The following RETREG1 variants were observed in gnomAD, a reference collection of about 807,000 sequenced individuals.
The protein encoded by RETREG1 is family with sequence similarity 134 member B.
In RETREG1, 44 loss-of-function variants were observed where a neutral mutation model predicts 54.8. The ratio of observed to expected loss-of-function variants is 0.80; its 90% CI spans 0.63 to 1.03. The LOEUF (loss-of-function observed/expected upper bound fraction) is 1.03, where lower values mean the gene tolerates loss of function less well. Ranked by LOEUF, RETREG1 falls within the 50% of genes least tolerant of loss-of-function variation. The pLI, the probability that RETREG1 is intolerant of heterozygous loss-of-function variation, is 0.00. For missense variants in RETREG1, 554 were observed against 605.1 expected, an observed-to-expected ratio of 0.92 and a Z score of 0.89; for synonymous variants, 217 against 238.5, an observed-to-expected ratio of 0.91 and a Z score of 0.83.
intron 3 of RETREG1, among the ~76,000 whole-genome samples, chr5:16,492,724 A>C (rs1358954713): frequency 6.6e-6 from 1 of 152,192 alleles, no homozygotes; most frequent in African/African-American, 2.4e-5. Context: ...AATTTTTTTT[A>C]ATCCTGTGGA....
chr5:16,576,023 A>C (rs76779414), intron 1 of RETREG1, among the ~76,000 whole-genome samples: 1 of 152,298 alleles, frequency 6.6e-6, no homozygotes, highest in South Asian at 2.1e-4. Context: ...TTCAAGTAGT[A>C]CCTAATATTT....
At chr5:16,495,527 C>G (rs1005971963) in intron 3 of RETREG1, among the ~76,000 whole-genome samples, 2 of 152,186 alleles carry the variant, frequency 1.3e-5, no homozygotes, top group Non-Finnish European at 2.9e-5. Context: ...CCCAGTCACT[C>G]CAGCTCCAGC....
intron 1 of RETREG1, among the ~76,000 whole-genome samples, chr5:16,573,663 G>C (rs1442877857): frequency 1.3e-5 from 2 of 151,470 alleles, no homozygotes; most frequent in African/African-American, 4.8e-5. Context: ...AGAGGCACAG[G>C]GAGAGGGAGG....
At chr5:16,576,018 GT>G (rs1459415772) in intron 1 of RETREG1, among the ~76,000 whole-genome samples, 1 of 152,150 alleles carries the variant, frequency 6.6e-6, no homozygotes, top group Non-Finnish European at 1.5e-5. Context: ...CATTTTTCAA[GT>G]AGTACCTAAT....
chr5:16,522,856 G>A (rs1050372170), intron 3 of RETREG1, among the ~76,000 whole-genome samples: 1 of 151,924 alleles, frequency 6.6e-6, no homozygotes, highest in African/African-American at 2.4e-5. Context: ...ATTTTAAAAA[G>A]TTAGCTGAGC....
chr5:16,479,272 A>G (rs1013411995), intron 5 of RETREG1, among the ~76,000 whole-genome samples: 2 of 152,030 alleles, frequency 1.3e-5, no homozygotes, highest in Non-Finnish European at 2.9e-5. Flanking sequence ...AAACACACAC[A>G]TGCATACCCA....
intron 1 of RETREG1, among the ~76,000 whole-genome samples, chr5:16,606,441 A>G (rs1743193597): frequency 6.6e-6 from 1 of 152,142 alleles, no homozygotes; most frequent in Admixed American, 6.5e-5. Context: ...TCCATACTTC[A>G]AACTCAACCT....
At chr5:16,574,388 T>C (rs1031726312) in intron 1 of RETREG1, among the ~76,000 whole-genome samples, 7 of 152,136 alleles carry the variant, frequency 4.6e-5, no homozygotes, top group African/African-American at 1.4e-4. Flanking sequence ...TAGGGAAATG[T>C]CTGAGGGCAA....
chr5:16,473,717 A>G lies in RETREG1; in HGVS notation c.*1024T>C, dbSNP rs1057011783. ...AATATATATATTCTATCTTCCCAAT[A>G]AGAAACAGATTCCATATTTATACTT... is the stretch of plus-strand genomic sequence containing the variant. On this transcript the variant is annotated 3_prime_UTR_variant, in exon 9 of 9. Coordinates refer to ENST00000306320, the MANE Select transcript of RETREG1 (RefSeq NM_001034850.3). 6 of 152,336 alleles carry G rather than the reference A, an allele frequency of 3.9e-5. No individual in the cohort carries two copies. The highest frequency in any genetic ancestry group is 8.8e-5 in the Non-Finnish European group (6 of 68,000). The allele number at this position is 152,336 out of a possible 1,614,324, so 9.4% of individuals were successfully genotyped here. A position where few individuals can be genotyped will look rare whatever the true frequency, so the allele number is the denominator to read the frequency against.
intron 3 of RETREG1, among the ~76,000 whole-genome samples, chr5:16,553,184 GA>G (rs113353282): frequency 9.9e-5 from 15 of 151,062 alleles, no homozygotes; most frequent in Admixed American, 2.6e-4. Context: ...GCACACTATG[GA>G]AAAAAAAATC....
At chr5:16,589,538 A>G (rs1025453214) in intron 1 of RETREG1, among the ~76,000 whole-genome samples, 1 of 152,056 alleles carries the variant, frequency 6.6e-6, no homozygotes, top group Non-Finnish European at 1.5e-5. Context: ...GTTAACTTTT[A>G]TATTTTTAGT....
At chr5:16,567,298 A>T (rs1426167754) in intron 2 of RETREG1, among the ~76,000 whole-genome samples, 1 of 152,160 alleles carries the variant, frequency 6.6e-6, no homozygotes, top group Non-Finnish European at 1.5e-5. Context: ...GTGCACTGAG[A>T]ACTAACTCGC....
Position 16,503,512 on chromosome 5 carries a change from C to T in RETREG1, c.459-20040G>A, listed in dbSNP as rs568006139. Among the ~76,000 whole-genome samples the T allele has an allele frequency of 4.0e-5, 6 of 151,698 alleles. No individual in the cohort carries two copies. The East Asian group carries it at 1.2e-3, about 29-fold the overall frequency. The stretch of plus-strand genomic sequence containing the variant: ...TGAAACCCCATCTCTACTAAAAATA[C>T]CAAAAAATTAGCTGGGCGTGGTGGC... On this transcript the variant is annotated intron_variant, in intron 3 of 8. Transcript: ENST00000306320.
intron 1 of RETREG1, among the ~76,000 whole-genome samples, chr5:16,574,110 A>C (rs1216512669): frequency 6.6e-6 from 1 of 152,126 alleles, no homozygotes; most frequent in Non-Finnish European, 1.5e-5. Context: ...TCAGATGAAA[A>C]TAGAGGCTCC....
At chr5:16,484,115 T>C (rs555173358) in intron 3 of RETREG1, among the ~76,000 whole-genome samples, 1 of 152,262 alleles carries the variant, frequency 6.6e-6, no homozygotes, top group African/African-American at 2.4e-5. Context: ...ATATCCTCTA[T>C]TTTTCCAGAG....
At chr5:16,604,751 G>A (rs1361610882) in intron 1 of RETREG1, among the ~76,000 whole-genome samples, 1 of 152,184 alleles carries the variant, frequency 6.6e-6, no homozygotes, top group Non-Finnish European at 1.5e-5. Context: ...CTTAGGTATT[G>A]CCTTTTTCAT....
In RETREG1 at chr5:16,595,196, A is replaced by T. The variant is rs575622339; in HGVS notation, c.320+21456T>A. On this transcript the variant is annotated intron_variant, in intron 1 of 8. Transcript: ENST00000306320. ...CGCAGTCTTGTACACGAGGCCCCCT[A>T]AACCTTGCTGTTCTAATAGACCCCT... 5.3e-5 allele frequency among the ~76,000 whole-genome samples: 8 copies of T among 152,328 alleles called. No homozygotes were observed. The East Asian group carries it at 1.5e-3, about 29-fold the overall frequency.
chr5:16,539,477 G>A (rs558459459), intron 3 of RETREG1, among the ~76,000 whole-genome samples: 72 of 152,170 alleles, frequency 4.7e-4, no homozygotes, highest in African/African-American at 1.4e-3. Flanking sequence ...TCCCGGGCCC[G>A]GTCGGTCGGA....
rs13188528 is a variant in RETREG1, at chr5:16,505,891, G to C, written c.459-22419C>G. 2.0e-5 allele frequency among the ~76,000 whole-genome samples: 3 copies of C among 152,080 alleles called. No individual in the cohort carries two copies. In the South Asian group the frequency reaches 6.2e-4, roughly 32 times the overall value. ...CCCTGTTTGGGCTTCTGCCTTCCTC[G>C]CCTGCTTCAGAGTGGCATTCAGGCT... is the stretch of plus-strand genomic sequence containing the variant. On this transcript the variant is annotated intron_variant, in intron 3 of 8. Transcript: ENST00000306320.
Sources: allele counts gnomAD v4.1 joint callset (sites outside exome capture counted in the v4.1 genomes callset), GRCh38; gene constraint gnomAD v4.1.1; transcripts MANE v1.5; gene names NCBI Gene and HGNC (gene_info 2026-07-23, HGNC 2026-07-21).